Variants in MSRA observed in about 807,000 individuals in gnomAD.
MSRA encodes mitochondrial peptide methionine sulfoxide reductase.
MSRA carries 54 observed loss-of-function variants against 31.3 expected under a neutral mutation model. That is an observed-to-expected ratio of 1.73 (90% CI 1.39 to 2.17). The LOEUF (loss-of-function observed/expected upper bound fraction) is 2.17, where lower values mean the gene tolerates loss of function less well. MSRA is among the 30% of genes most tolerant of loss of function. MSRA has a pLI of 0.00. For synonymous variants in MSRA, 169 were observed against 116.5 expected, an observed-to-expected ratio of 1.45 and a Z score of -2.90; for missense variants, 507 against 300.9, an observed-to-expected ratio of 1.69 and a Z score of -5.07.
At chr8:10,216,816 T>G (rs1485718484) in intron 2 of MSRA, among the ~76,000 whole-genome samples, 1 of 152,260 alleles carries the variant, frequency 6.6e-6, no homozygotes, top group Non-Finnish European at 1.5e-5. Context: ...CAATCAATAC[T>G]TGAGTTGCTT....
chr8:10,116,008 A>T (rs1426481556), intron 1 of MSRA, among the ~76,000 whole-genome samples: 1 of 152,116 alleles, frequency 6.6e-6, no homozygotes, highest in East Asian at 1.9e-4. Context: ...GCTCGAGGGG[A>T]CAGAGATGTG....
intron 1 of MSRA, among the ~76,000 whole-genome samples, chr8:10,089,475 C>T (rs1347108811): frequency 2.0e-5 from 3 of 152,122 alleles, no homozygotes; most frequent in Non-Finnish European, 4.4e-5. Context: ...ATTGCACATT[C>T]CCATGGTCAG....
chr8:10,373,139 C>G (rs1223178628), intron 5 of MSRA, among the ~76,000 whole-genome samples: 2 of 152,246 alleles, frequency 1.3e-5, no homozygotes, highest in Admixed American at 6.5e-5. Context: ...GATCTACCCT[C>G]TTCGGCCTCC....
At chr8:10,225,318 G>C (rs962659085) in intron 2 of MSRA, among the ~76,000 whole-genome samples, 2 of 152,072 alleles carry the variant, frequency 1.3e-5, no homozygotes, top group African/African-American at 4.8e-5. Context: ...TTGTGCCTTT[G>C]TTTATGGGAT....
chr8:10,243,436 C>T (rs767963839), intron 2 of MSRA, among the ~76,000 whole-genome samples: 7 of 152,042 alleles, frequency 4.6e-5, no homozygotes, highest in Non-Finnish European at 7.4e-5. Context: ...ATGCTTTTGC[C>T]GGAGACCTGT....
intron 1 of MSRA, among the ~76,000 whole-genome samples, chr8:10,110,699 C>T (rs936867934): frequency 1.3e-5 from 2 of 152,214 alleles, no homozygotes; most frequent in African/African-American, 4.8e-5. Context: ...CGCGCTTTCT[C>T]CCAGGCTGGC....
At chr8:10,221,983 CAATTCACAGGT>C (rs1810549666) in intron 2 of MSRA, among the ~76,000 whole-genome samples, 3 of 151,950 alleles carry the variant, frequency 2.0e-5, no homozygotes, top group Admixed American at 6.6e-5. Context: ...TCATGAAGGG[CAATTCACAGGT>C]AATTCGTGGG....
At chr8:10,251,275 A>G (rs989837722) in intron 3 of MSRA, among the ~76,000 whole-genome samples, 1 of 152,116 alleles carries the variant, frequency 6.6e-6, no homozygotes, top group Non-Finnish European at 1.5e-5. Context: ...TATGTATCTT[A>G]CATGAGATGA....
chr8:10,133,919 C>T (rs1380839147), intron 1 of MSRA, among the ~76,000 whole-genome samples: 1 of 152,092 alleles, frequency 6.6e-6, no homozygotes, highest in Non-Finnish European at 1.5e-5. Flanking sequence ...TGACCTCTGT[C>T]TCCTGGGTTC....
At chr8:10,196,057 C>T (rs181241842) in intron 1 of MSRA, among the ~76,000 whole-genome samples, 88 of 152,206 alleles carry the variant, frequency 5.8e-4, no homozygotes, top group Admixed American at 1.1e-3. Flanking sequence ...GGAGAGGGTG[C>T]GGGGTGGGGG....
chr8:10,350,411 T>C (rs1804055037), intron 5 of MSRA, among the ~76,000 whole-genome samples: 1 of 152,242 alleles, frequency 6.6e-6, no homozygotes, highest in African/African-American at 2.4e-5. Context: ...CCTTCGCTCA[T>C]TGACGGTTCT....
At chr8:10,350,666 C>T (rs190661835) in intron 5 of MSRA, among the ~76,000 whole-genome samples, 2 of 152,354 alleles carry the variant, frequency 1.3e-5, no homozygotes, top group East Asian at 1.9e-4. Context: ...GCTGAGTGGG[C>T]TCATAGCTGG....
intron 3 of MSRA, among the ~76,000 whole-genome samples, chr8:10,280,014 G>C (rs1799534336): frequency 6.6e-6 from 1 of 152,174 alleles, no homozygotes; most frequent in East Asian, 1.9e-4. Flanking sequence ...TTCTAAAATA[G>C]TTATTAAAGA....
chr8:10,259,655 C>T (rs917796370), intron 3 of MSRA, among the ~76,000 whole-genome samples: 12 of 152,116 alleles, frequency 7.9e-5, no homozygotes, highest in African/African-American at 2.7e-4. Context: ...GTTGATATTC[C>T]CCTCCAGGAA....
intron 1 of MSRA, among the ~76,000 whole-genome samples, chr8:10,187,033 A>G (rs974861163): frequency 5.9e-5 from 9 of 152,130 alleles, no homozygotes; most frequent in South Asian, 2.1e-4. Flanking sequence ...GTTTCTTTCA[A>G]TTGGGACTTA....
At chr8:10,120,033 G>A (rs1272878966) in intron 1 of MSRA, among the ~76,000 whole-genome samples, 1 of 152,174 alleles carries the variant, frequency 6.6e-6, no homozygotes, top group Non-Finnish European at 1.5e-5. Flanking sequence ...CCCTTTAGTA[G>A]AGGAACTCAG....
intron 5 of MSRA, among the ~76,000 whole-genome samples, chr8:10,329,347 G>A (rs1354408937): frequency 6.6e-6 from 1 of 152,178 alleles, no homozygotes; most frequent in Non-Finnish European, 1.5e-5. Context: ...CGTCTGGTGG[G>A]TGCCACCATG....
rs1246456832 is a variant in MSRA, at chr8:10,428,344, C to T, written c.*32C>T. 2 of 1,605,966 alleles carry T rather than the reference C, an allele frequency of 1.2e-6. No individual in the cohort carries two copies. The highest frequency in any genetic ancestry group is 1.3e-5 in the African/African-American group (1 of 74,664). On this transcript the variant is annotated 3_prime_UTR_variant, in exon 6 of 6. Coordinates refer to ENST00000317173, the MANE Select transcript of MSRA (RefSeq NM_012331.5). ...CCCACATGGTGGGCCTTTGAGGTTCCAGTAAAAATGCTTTCAACAAATTGG... is the reference window on the plus strand; with the variant it reads ...CCCACATGGTGGGCCTTTGAGGTTCTAGTAAAAATGCTTTCAACAAATTGG...
chr8:10,295,801 C>T (rs528598558), intron 3 of MSRA, among the ~76,000 whole-genome samples: 33 of 152,222 alleles, frequency 2.2e-4, no homozygotes, highest in Admixed American at 4.6e-4. Flanking sequence ...TGCCTCTGCC[C>T]TCTCCCAGGT....
Sources: allele counts gnomAD v4.1 joint callset (sites outside exome capture counted in the v4.1 genomes callset), GRCh38; gene constraint gnomAD v4.1.1; transcripts MANE v1.5; gene names NCBI Gene and HGNC (gene_info 2026-07-23, HGNC 2026-07-21).